FRAS1: variants seen among roughly 807,000 people sequenced by gnomAD.
The protein encoded by FRAS1 is extracellular matrix organizing protein FRAS1.
FRAS1 carries 290 observed loss-of-function variants against 435.2 expected under a neutral mutation model. The observed-to-expected ratio is 0.67, with a 90% CI of 0.61 to 0.73. The LOEUF (loss-of-function observed/expected upper bound fraction) is 0.73. Among genes scored for constraint, FRAS1 ranks in the 30% least tolerant of loss-of-function variants. FRAS1 has a pLI of 0.00. For synonymous variants in FRAS1, 1,800 were observed against 1,851.0 expected, an observed-to-expected ratio of 0.97 and a Z score of 0.71; for missense variants, 4,860 against 5,001.5, an observed-to-expected ratio of 0.97 and a Z score of 0.85.
chr4:78,407,213 A>C (rs1039329450), intron 30 of FRAS1, among the ~76,000 whole-genome samples: 1 of 152,242 alleles, frequency 6.6e-6, no homozygotes, highest in Non-Finnish European at 1.5e-5. Flanking sequence ...GAATTCTCTC[A>C]TGAAAATTTT....
chr4:78,174,083 A>C (rs1721665814), intron 2 of FRAS1, among the ~76,000 whole-genome samples: 1 of 152,158 alleles, frequency 6.6e-6, no homozygotes, highest in African/African-American at 2.4e-5. Context: ...TGAATCCGGG[A>C]GATCAGAATA....
At position 78,438,714 on chromosome 4, in the gene FRAS1, A is replaced by G. The variant is rs1363613418; in HGVS notation, c.5362A>G (p.Ile1788Val). 2.5e-6 allele frequency: 4 copies of G among 1,591,018 alleles called. No homozygotes were observed. The Admixed American group carries it at 5.4e-5, about 22-fold the overall frequency. The part of the protein sequence containing the change: ...FTMEDINNKK[I>V]RYSAVFETDG... ...AATGGAAGACATCAATAACAAGAAAATCAGGTACATAATCACTTTGTATTA... is the reference window on the plus strand; with the variant it reads ...AATGGAAGACATCAATAACAAGAAAGTCAGGTACATAATCACTTTGTATTA... Residue 1788 changes from isoleucine (I) to valine (V), a missense_variant, in exon 39 of 74, where the codon ATC becomes GTC. Physicochemically the swap from Ile to Val is conservative, Grantham distance 29. Coordinates refer to ENST00000512123, the MANE Select transcript of FRAS1 (RefSeq NM_025074.7).
chr4:78,140,406 C>T (rs17002972), intron 2 of FRAS1, among the ~76,000 whole-genome samples: 7,419 of 152,074 alleles, frequency 0.049, 250 homozygotes, highest in Admixed American at 0.084. Flanking sequence ...AGTTCAGATG[C>T]CCTGAATGTG....
chr4:78,347,810 A>G (rs1187207174), intron 20 of FRAS1, among the ~76,000 whole-genome samples: 1 of 123,766 alleles, frequency 8.1e-6, no homozygotes, highest in African/African-American at 3.1e-5. Flanking sequence ...TTTTTTGGTC[A>G]TCCCTTCCTA....
chr4:78,261,774 A>C (rs2110147533), intron 6 of FRAS1, among the ~76,000 whole-genome samples: 1 of 152,304 alleles, frequency 6.6e-6, no homozygotes, highest in Middle Eastern at 3.4e-3. Context: ...CTCTAAAAAA[A>C]CACTCAGGTT....
At chr4:78,087,234 C>G (rs1168145159) in intron 2 of FRAS1, among the ~76,000 whole-genome samples, 1 of 152,082 alleles carries the variant, frequency 6.6e-6, no homozygotes, top group Non-Finnish European at 1.5e-5. Context: ...ACACTTCATG[C>G]TAAAAACTCT....
Position 78,282,621 on chromosome 4 carries a change from TTATGA to T in FRAS1, c.1108-198_1108-194del, listed in dbSNP as rs1427327607. ...GTTCTCTACATTGAAGTAAAACCCA[TTATGA>T]ACAAAGAAAGATAAATTCTGTGTTT... On this transcript the variant is annotated intron_variant, in intron 11 of 73. Transcript: ENST00000512123. 2.6e-5 allele frequency among the ~76,000 whole-genome samples: 4 copies of T among 152,330 alleles called. No individual in the cohort carries two copies. The East Asian group carries it at 5.8e-4, about 22-fold the overall frequency.
chr4:78,121,182 G>A (rs1436163973), intron 2 of FRAS1, among the ~76,000 whole-genome samples: 1 of 152,136 alleles, frequency 6.6e-6, no homozygotes, highest in Non-Finnish European at 1.5e-5. Flanking sequence ...TCTCCTTGAA[G>A]CAATAAGCCG....
intron 2 of FRAS1, among the ~76,000 whole-genome samples, chr4:78,218,811 G>A (rs915903975): frequency 6.6e-6 from 1 of 152,338 alleles, no homozygotes. Context: ...GGTGACACAT[G>A]TAGTTTGCTT....
intron 5 of FRAS1, 150 bp from the exon 6 acceptor site, chr4:78,255,092 T>C: frequency 3.9e-6 from 3 of 759,692 alleles, no homozygotes; most frequent in Non-Finnish European, 6.8e-6. Context: ...GATTTCAAGG[T>C]AGTGACTGCA....
rs553359482 is a variant in FRAS1, at chr4:78,369,919, G to C, written c.2804G>C (p.Gly935Ala). 1.5e-5 allele frequency: 24 copies of C among 1,613,834 alleles called. 1 individual carries two copies. The South Asian group carries it at 2.0e-4, about 13-fold the overall frequency. The change falls in exon 23 of 74, where the codon GGG becomes GCG. Residue 935 changes from glycine to alanine, a missense_variant. By Grantham distance (60) the Gly-to-Ala change is moderately conservative. Transcript: ENST00000512123. ...CRDPNKVLLF[G>A]ECQYESCAPQ... ...GATCCAAACAAGGTTCTGCTCTTTG[G>C]GGAATGTCAATACGAGAGCTGCGCC...
intron 14 of FRAS1, among the ~76,000 whole-genome samples, chr4:78,291,151 C>A (rs1207809674): frequency 1.3e-5 from 2 of 152,198 alleles, no homozygotes; most frequent in South Asian, 4.1e-4. Context: ...AAAACAGGGA[C>A]ATAATATCTG....
chr4:78,419,374 C>T (rs1174249726), intron 33 of FRAS1, among the ~76,000 whole-genome samples: 4 of 152,154 alleles, frequency 2.6e-5, no homozygotes, highest in African/African-American at 7.2e-5. Context: ...GGACACATAG[C>T]CATTGTCTCT....
At position 78,271,100 on chromosome 4, in the gene FRAS1, A is replaced by C. The variant is rs530082782; in HGVS notation, c.981+3668A>C. Among the ~76,000 whole-genome samples the C allele has an allele frequency of 5.3e-5, 8 of 152,304 alleles. No homozygotes were observed. The East Asian group carries it at 1.5e-3, about 29-fold the overall frequency. ...AAGACATCCAGTGCATCCAGAGACA[A>C]CCAATGCTTCCATAATATTTGTCAT... On this transcript the variant is annotated intron_variant, in intron 9 of 73. Coordinates refer to ENST00000512123, the MANE Select transcript of FRAS1 (RefSeq NM_025074.7).
intron 2 of FRAS1, among the ~76,000 whole-genome samples, chr4:78,124,112 G>T (rs1027615565): frequency 1.3e-5 from 2 of 152,124 alleles, no homozygotes; most frequent in Non-Finnish European, 2.9e-5. Context: ...CTGTAGGTTT[G>T]TCATAAATAG....
chr4:78,534,601 G>A lies in FRAS1; in HGVS notation c.11078G>A (p.Gly3693Glu). The A allele has an allele frequency of 6.2e-7, 1 of 1,612,842 alleles. No homozygotes were observed. Among genetic ancestry groups the A allele is most frequent in the Non-Finnish European group, 8.5e-7 (1 of 1,179,232 alleles). ...TCACTAGCAGAAATGGATTACAAAG[G>A]AGCCTTTTCAAAAGGTGAGTTGCTT... ...DMSLAEMDYK[G>E]AFSKGQILYG... Residue 3693 changes from glycine to glutamate, a missense_variant, in exon 71 of 74, where the codon GGA (glycine) becomes GAA (glutamate). By Grantham distance (98) the Gly-to-Glu change is moderately conservative. Transcript: ENST00000512123.
intron 56 of FRAS1, 104 bp downstream of exon 56, chr4:78,479,822 A>G (rs1040623172): frequency 1.2e-5 from 10 of 868,490 alleles, no homozygotes; most frequent in Non-Finnish European, 1.5e-5. Context: ...TGAGAATGCC[A>G]TTCCTCAGGG....
At chr4:78,115,323 T>G (rs1474134240) in intron 2 of FRAS1, among the ~76,000 whole-genome samples, 2 of 152,206 alleles carry the variant, frequency 1.3e-5, no homozygotes, top group African/African-American at 2.4e-5. Flanking sequence ...GGCTTTGGTA[T>G]CAGGATGATG....
intron 14 of FRAS1, among the ~76,000 whole-genome samples, chr4:78,290,963 A>T (rs527440337): frequency 6.0e-4 from 91 of 150,752 alleles, no homozygotes; most frequent in Non-Finnish European, 8.6e-4. Context: ...ACAGGGTTTC[A>T]CCATGTTGGC....
Sources: gnomAD v4.1 joint callset for allele counts (sites outside exome capture counted in the v4.1 genomes callset) on GRCh38, gnomAD v4.1.1 for gene constraint, MANE v1.5 for transcripts, NCBI Gene and HGNC (gene_info 2026-07-23, HGNC 2026-07-21) for gene names.